Variants in GRIP1 observed in about 807,000 individuals in gnomAD.
GRIP1 encodes the protein glutamate receptor-interacting protein 1.
In GRIP1, 45 loss-of-function variants were observed where a neutral mutation model predicts 129.9. The ratio of observed to expected loss-of-function variants is 0.35; its 90% CI spans 0.27 to 0.44. GRIP1 has a LOEUF of 0.44. Ranked by LOEUF, GRIP1 falls within the 20% of genes least tolerant of loss-of-function variation. GRIP1 has a pLI of 1.00. For synonymous variants in GRIP1, 530 were observed against 520.8 expected (o/e 1.02, Z -0.24); for missense variants, 1,196 against 1,396.8 (o/e 0.86, Z 2.29).
intron 1 of GRIP1, among the ~76,000 whole-genome samples, chr12:67,040,823 A>G (rs940420093): frequency 6.6e-6 from 1 of 152,224 alleles, no homozygotes; most frequent in African/African-American, 2.4e-5. Context: ...GCTGGACCAC[A>G]GTGCCCAGAT....
At chr12:66,404,905 ACCAGTAGTT>A (rs1457668692) in intron 16 of GRIP1, among the ~76,000 whole-genome samples, 1 of 152,118 alleles carries the variant, frequency 6.6e-6, no homozygotes, top group Admixed American at 6.5e-5. Context: ...GGTGACACAC[ACCAGTAGTT>A]CCAGCTACTC....
chr12:66,613,052 A>G (rs888876583), intron 1 of GRIP1, among the ~76,000 whole-genome samples: 2 of 152,202 alleles, frequency 1.3e-5, no homozygotes, highest in Non-Finnish European at 2.9e-5. Flanking sequence ...TTAAAAGCAT[A>G]GTTAAATAAT....
chr12:66,921,717 C>T (rs1475749833), intron 1 of GRIP1, among the ~76,000 whole-genome samples: 1 of 152,188 alleles, frequency 6.6e-6, no homozygotes, highest in East Asian at 1.9e-4. Context: ...TCCATCTCAA[C>T]CTGCTTAAAA....
rs144025834 is a variant in GRIP1 at position 66,578,416 on chromosome 12, G to T, written c.136+18431C>A. Among the ~76,000 whole-genome samples the T allele has an allele frequency of 1.4e-3, 212 of 152,068 alleles. 4 individuals are homozygous for T. In the East Asian group the frequency reaches 0.037, roughly 27 times the overall value. ...GCCAGACAGTGGGTGCAGGTCAGTGGGTGCAGCGCACCGTGCGCGAGCCAA... is the reference window on the plus strand; with the variant it reads ...GCCAGACAGTGGGTGCAGGTCAGTGTGTGCAGCGCACCGTGCGCGAGCCAA... On this transcript the variant is annotated intron_variant, in intron 2 of 24. Coordinates refer to ENST00000359742, the MANE Select transcript of GRIP1 (RefSeq NM_001366722.1).
intron 1 of GRIP1, among the ~76,000 whole-genome samples, chr12:66,877,703 A>T (rs3932223): frequency 0.089 from 13,570 of 152,156 alleles, 777 homozygotes; most frequent in East Asian, 0.27. Context: ...AGAAAATAGC[A>T]TTCCACATAC....
chr12:66,861,989 G>C (rs1330323220), intron 1 of GRIP1, among the ~76,000 whole-genome samples: 1 of 152,064 alleles, frequency 6.6e-6, no homozygotes, highest in Non-Finnish European at 1.5e-5. Context: ...CACAAGAACA[G>C]ATCATTTAGG....
chr12:66,678,000 A>G (rs1292087505), intron 1 of GRIP1, among the ~76,000 whole-genome samples: 1 of 152,058 alleles, frequency 6.6e-6, no homozygotes, highest in Non-Finnish European at 1.5e-5. Context: ...TTTTTTTTTA[A>G]ATAATAAATT....
intron 2 of GRIP1, among the ~76,000 whole-genome samples, chr12:66,557,994 C>T (rs141400950): frequency 6.6e-6 from 1 of 152,122 alleles, no homozygotes; most frequent in African/African-American, 2.4e-5. Context: ...GAAAACAATA[C>T]CAATGATCAA....
chr12:66,548,132 G>A (rs1049509227), intron 2 of GRIP1, among the ~76,000 whole-genome samples: 5 of 152,188 alleles, frequency 3.3e-5, no homozygotes, highest in African/African-American at 9.6e-5. Flanking sequence ...TTACTTAAGA[G>A]TGAAATGAAC....
At chr12:66,522,965 G>T (rs1012887057) in intron 5 of GRIP1, among the ~76,000 whole-genome samples, 5 of 152,052 alleles carry the variant, frequency 3.3e-5, no homozygotes, top group Non-Finnish European at 7.4e-5. Context: ...GAAGCAAGAA[G>T]GGAAATTCAG....
intron 1 of GRIP1, among the ~76,000 whole-genome samples, chr12:66,952,364 C>T (rs1415703839): frequency 6.6e-6 from 1 of 152,100 alleles, no homozygotes; most frequent in African/African-American, 2.4e-5. Context: ...TATCAGAGAT[C>T]CTGGTAAAAT....
At chr12:66,766,147 A>T (rs1054390178) in intron 1 of GRIP1, among the ~76,000 whole-genome samples, 2 of 152,182 alleles carry the variant, frequency 1.3e-5, no homozygotes, top group Non-Finnish European at 2.9e-5. Context: ...GACAACTCGA[A>T]ACACTAGCCC....
intron 4 of GRIP1, among the ~76,000 whole-genome samples, chr12:66,531,012 G>C (rs2061425451): frequency 6.6e-6 from 1 of 151,776 alleles, no homozygotes; most frequent in African/African-American, 2.4e-5. Flanking sequence ...CAAGGCGGGT[G>C]GATCACAAGG....
chr12:66,982,693 A>G (rs931790), intron 1 of GRIP1, among the ~76,000 whole-genome samples: 125,778 of 152,112 alleles, frequency 0.83, 52,508 homozygotes, highest in African/African-American at 0.93. Flanking sequence ...AAGTGGGTTC[A>G]CCCCCAGTCA....
chr12:66,645,366 G>A (rs2032279231), intron 1 of GRIP1, among the ~76,000 whole-genome samples: 1 of 152,208 alleles, frequency 6.6e-6, no homozygotes, highest in African/African-American at 2.4e-5. Context: ...CTGCGCTACA[G>A]AAAGTCTGAG....
At chr12:66,620,836 G>A (rs1462961993) in intron 1 of GRIP1, among the ~76,000 whole-genome samples, 1 of 151,388 alleles carries the variant, frequency 6.6e-6, no homozygotes, top group East Asian at 2.0e-4. Context: ...TGGTGCATAA[G>A]CTGCTTCTTC....
At chr12:66,697,183 T>C (rs1397353457) in intron 1 of GRIP1, among the ~76,000 whole-genome samples, 2 of 152,164 alleles carry the variant, frequency 1.3e-5, no homozygotes, top group African/African-American at 4.8e-5. Context: ...ACAAAAGGAC[T>C]AAAATCTAAA....
In GRIP1 at chr12:66,419,382, G is replaced by GATGGC. The variant is rs1408501052; in HGVS notation, c.1838+1333_1838+1337dup. 5.9e-5 allele frequency among the ~76,000 whole-genome samples: 9 copies of GATGGC among 152,224 alleles called. No homozygotes were observed. In the East Asian group the frequency reaches 1.7e-3, roughly 29 times the overall value. On this transcript the variant is annotated intron_variant, in intron 15 of 24. Transcript: ENST00000359742. ...ATAGAATGACTAAGACCTAGTATTT[G>GATGGC]ATGGCACAACAGGGTGACTATGGTC...
chr12:66,797,539 G>C (rs1390611847), intron 1 of GRIP1, among the ~76,000 whole-genome samples: 2 of 152,172 alleles, frequency 1.3e-5, no homozygotes, highest in Admixed American at 6.5e-5. Flanking sequence ...GTCCCATTAA[G>C]AGAATTATAT....
Sources: gnomAD v4.1 joint callset for allele counts (sites outside exome capture counted in the v4.1 genomes callset) on GRCh38, gnomAD v4.1.1 for gene constraint, MANE v1.5 for transcripts, NCBI Gene and HGNC (gene_info 2026-07-23, HGNC 2026-07-21) for gene names.